PHF19: variants seen among roughly 807,000 people sequenced by gnomAD.
PHF19 encodes the protein PHD finger protein 19, also known as polycomb like 3.
Under a neutral mutation model 79.8 loss-of-function variants are expected in PHF19, and 21 were observed. That is an observed-to-expected ratio of 0.26 (90% CI 0.19 to 0.38). The LOEUF (loss-of-function observed/expected upper bound fraction) is 0.38. PHF19 is among the 10% of genes least tolerant of loss of function. The pLI is 1.00. For missense variants in PHF19, 445 were observed against 744.2 expected (o/e 0.60, Z 4.68); for synonymous variants, 273 against 296.3 (o/e 0.92, Z 0.81).
chr9:120,901,104 A>G, the PHF19 span, among the ~76,000 whole-genome samples: 2 of 152,218 alleles, frequency 1.3e-5, no homozygotes, highest in African/African-American at 2.4e-5. Flanking sequence ...AGAGGGACCT[A>G]CTGCCTCCAT....
rs2045988168 is a variant in PHF19, at chr9:120,874,428, G to A, written c.186+128C>T. The A allele has an allele frequency of 1.5e-6, 1 of 658,148 alleles. No homozygotes were observed. The highest frequency in any genetic ancestry group is 2.8e-5 in the Admixed American group (1 of 36,264). 40.8% of individuals were successfully genotyped at this position (658,148 alleles called of 1,614,324 possible). The stretch of plus-strand genomic sequence containing the variant: ...CAGGCTCTGGCCCCTCCCACCACCA[G>A]CTTTGGGCATGAGGGACAAGAAGGG... On this transcript the variant is annotated intron_variant, in intron 2 of 14. Coordinates refer to ENST00000373896, the MANE Select transcript of PHF19 (RefSeq NM_015651.3). The surrounding 1 kb of genome is among the most constrained non-coding windows in gnomAD (Gnocchi z 4.5).
At chr9:120,890,073 C>T (rs2046321106) in intron 1 of PHF19, among the ~76,000 whole-genome samples, 1 of 152,212 alleles carries the variant, frequency 6.6e-6, no homozygotes, top group Non-Finnish European at 1.5e-5. Context: ...ACCATCATGC[C>T]TCAGGCAGCT....
upstream of PHF19, among the ~76,000 whole-genome samples, chr9:120,897,676 C>T (rs137955197): frequency 1.9e-3 from 294 of 151,966 alleles, 1 homozygote; most frequent in African/African-American, 6.7e-3. Context: ...TATAAAAATA[C>T]GAATGAAATA....
At position 120,861,188 on chromosome 9, in the gene PHF19, A is replaced by G. The variant is rs904417088; in HGVS notation, c.1219-14T>C. The G allele has an allele frequency of 2.0e-6, 3 of 1,489,616 alleles. No individual in the cohort carries two copies. Among genetic ancestry groups the G allele is most frequent in the Non-Finnish European group, 2.8e-6 (3 of 1,066,628 alleles). 92.3% of individuals were successfully genotyped at this position (1,489,616 alleles called of 1,614,324 possible). On this transcript the variant is annotated splice_polypyrimidine_tract_variant and intron_variant, in intron 12 of 14. Transcript: ENST00000373896. ...GGTGAAGTCACTCTGTGGACACAGG[A>G]AGGAGAGAGGAAGGGTCAGACAGCG...
Position 120,862,102 on chromosome 9 carries a change from T to C in PHF19, c.1131-97A>G, listed in dbSNP as rs1014969799. On this transcript the variant is annotated intron_variant, in intron 11 of 14. Transcript: ENST00000373896. This position sits in a 1 kb window ranked among gnomAD's most constrained non-coding sequence, Gnocchi z 4.6. ...GCCGCAGGGGCGGGGGTCACAGCAG[T>C]TGGGGAGACAGGCTCTGAACACAGC... 14 of 847,788 alleles carry C rather than the reference T, an allele frequency of 1.7e-5. No homozygotes were observed. The highest frequency in any genetic ancestry group is 2.9e-5 in the Non-Finnish European group (14 of 487,202). 52.5% of individuals were successfully genotyped at this position (847,788 alleles called of 1,614,324 possible).
intron 1 of PHF19, among the ~76,000 whole-genome samples, chr9:120,885,935 T>C (rs2046256638): frequency 6.6e-6 from 1 of 152,200 alleles, no homozygotes; most frequent in Admixed American, 6.5e-5. Context: ...CATGGCTCTT[T>C]AAAGCTAATC....
chr9:120,869,914 C>T lies in PHF19; in HGVS notation c.396G>A (p.Ala132=), dbSNP rs765177570. ...TGAGCAGGGGCTGGTCAGCACTGCC[C>T]GCTATGGGGATGTGGCACTGCTGGT... ...GYHQQCHIPI[A]GSADQPLLTP... is the part of the protein sequence containing the mutation. The change falls in exon 5 of 15, where the codon GCG becomes GCA. Residue 132 remains alanine (A), a synonymous_variant. Transcript: ENST00000373896. This position sits in a 1 kb window ranked among gnomAD's most constrained non-coding sequence, Gnocchi z 5.8. 1.9e-5 allele frequency: 30 copies of T among 1,590,768 alleles called. No individual in the cohort carries two copies. Among genetic ancestry groups the T allele is most frequent in the Admixed American group, 9.0e-5 (5 of 55,688 alleles).
Position 120,860,200 on chromosome 9 carries a change from AC to A in PHF19, c.1305-16del. 1 of 1,479,030 alleles carries A rather than the reference AC, an allele frequency of 6.8e-7. No individual in the cohort carries two copies. Among genetic ancestry groups the A allele is most frequent in the Non-Finnish European group, 9.3e-7 (1 of 1,072,214 alleles). The allele number at this position is 1,479,030 out of a possible 1,614,324, so 91.6% of individuals were successfully genotyped here. A position where few individuals can be genotyped will look rare whatever the true frequency, so the allele number is the denominator to read the frequency against. On this transcript the variant is annotated splice_polypyrimidine_tract_variant and intron_variant, in intron 13 of 14. Transcript: ENST00000373896. The surrounding 1 kb of genome is among the most constrained non-coding windows in gnomAD (Gnocchi z 4.1). ...CTGAGCTGGCACTGAGAGGGGCAAGACCGTGAGCCTGCTGGTGGCCCGGCCC... is the reference window on the plus strand; with the variant it reads ...CTGAGCTGGCACTGAGAGGGGCAAGACGTGAGCCTGCTGGTGGCCCGGCCC...
chr9:120,898,337 G>A (rs1404164165), upstream of PHF19, among the ~76,000 whole-genome samples: 2 of 152,212 alleles, frequency 1.3e-5, no homozygotes, highest in Non-Finnish European at 2.9e-5. Context: ...GGCTGGTCTC[G>A]AACTCCTGAC....
intron 14 of PHF19, among the ~76,000 whole-genome samples, chr9:120,858,811 TCACACACACACA>T (rs56042039): frequency 3.1e-4 from 38 of 122,890 alleles, no homozygotes; most frequent in East Asian, 1.2e-3. Context: ...CTGACAGACA[TCACACACACACA>T]CACACACACA....
intron 12 of PHF19, 24 bp from the exon 13 acceptor site, chr9:120,861,198 GA>G: frequency 7.3e-7 from 1 of 1,365,808 alleles, no homozygotes; most frequent in Non-Finnish European, 1.0e-6. Flanking sequence ...AAGGAGAGAG[GA>G]AGGGTCAGAC....
chr9:120,864,097 G>A lies in PHF19; in HGVS notation c.920C>T (p.Thr307Ile), dbSNP rs2045623278. 1 of 1,613,890 alleles carries A rather than the reference G, an allele frequency of 6.2e-7. No individual in the cohort carries two copies. The highest frequency in any genetic ancestry group is 2.2e-5 in the East Asian group (1 of 44,878). The change falls in exon 10 of 15, where the codon ACA (threonine) becomes ATA (isoleucine). Residue 307 changes from threonine to isoleucine, a missense_variant. Coordinates refer to ENST00000373896, the MANE Select transcript of PHF19 (RefSeq NM_015651.3). ...QLGKLTSTPVTDRGPHLLNAL... is the reference protein window; with the variant it reads ...QLGKLTSTPVIDRGPHLLNAL... ...GTTGAGGAGATGTGGTCCTCGATCT[G>A]TCACTGGGGTGCTGGTGAGCTGTGG...
At chr9:120,889,697 A>C (rs1254761725) in intron 1 of PHF19, among the ~76,000 whole-genome samples, 1 of 152,004 alleles carries the variant, frequency 6.6e-6, no homozygotes, top group Non-Finnish European at 1.5e-5. Context: ...GTGAGCCATG[A>C]TTGTGCCACT....
At chr9:120,881,908 C>T (rs1183044780), upstream of PHF19, among the ~76,000 whole-genome samples, 1 of 152,322 alleles carries the variant, frequency 6.6e-6, no homozygotes, top group East Asian at 1.9e-4. Context: ...GTTCCAGGTG[C>T]ACGCTATCAC....
chr9:120,865,977 G>GGGAGAAGCTGGGA, intron 8 of PHF19, 51 bp downstream of exon 8: 1 of 1,560,698 alleles, frequency 6.4e-7, no homozygotes, highest in African/African-American at 1.4e-5. Context: ...GAGGAGGGAG[G>GGGAGAAGCTGGGA]GGAGAAGCTG....
At chr9:120,892,236 A>C (rs1024731076) in intron 1 of PHF19, among the ~76,000 whole-genome samples, 1 of 152,142 alleles carries the variant, frequency 6.6e-6, no homozygotes, top group Non-Finnish European at 1.5e-5. Context: ...GGCAAACCCC[A>C]CACGTGGATG....
At chr9:120,895,796 G>GTGT (rs1467694198), upstream of PHF19, among the ~76,000 whole-genome samples, 7 of 152,146 alleles carry the variant, frequency 4.6e-5, no homozygotes, top group African/African-American at 7.2e-5. Context: ...GGGACTACAG[G>GTGT]CATGCACCAC....
At chr9:120,885,378 G>C (rs906901923) in intron 1 of PHF19, among the ~76,000 whole-genome samples, 4 of 152,244 alleles carry the variant, frequency 2.6e-5, no homozygotes, top group Non-Finnish European at 4.4e-5. Flanking sequence ...AAAAGTTTGA[G>C]ACCAGCCTGG....
chr9:120,879,049 G>A (rs2046138280), upstream of PHF19, among the ~76,000 whole-genome samples: 1 of 97,962 alleles, frequency 1.0e-5, no homozygotes, highest in African/African-American at 3.8e-5. Context: ...GCCTGAGTGT[G>A]TCACTTCTTT....
Sources: gnomAD v4.1 joint callset for allele counts (sites outside exome capture counted in the v4.1 genomes callset) on GRCh38, gnomAD v4.1.1 for gene constraint, Gnocchi (gnomAD v3.1) non-coding constraint, MANE v1.5 for transcripts, NCBI Gene and HGNC (gene_info 2026-07-23, HGNC 2026-07-21) for gene names.